The following LRRC72 variants were observed in gnomAD, a reference collection of about 807,000 sequenced individuals.
The protein encoded by LRRC72 is leucine-rich repeat-containing protein 72.
A neutral mutation model predicts 35.8 loss-of-function variants in LRRC72; 41 were observed. The ratio of observed to expected loss-of-function variants is 1.15; its 90% CI spans 0.89 to 1.49. The LOEUF is 1.49. LRRC72 is among the 40% of genes most tolerant of loss of function. The pLI is 0.00. For synonymous variants in LRRC72, 118 were observed against 119.2 expected (o/e 0.99, Z 0.07); for missense variants, 389 against 330.7 (o/e 1.18, Z -1.37).
At chr7:16,578,566 T>C (rs1363803357) in intron 7 of LRRC72, among the ~76,000 whole-genome samples, 1 of 152,160 alleles carries the variant, frequency 6.6e-6, no homozygotes, top group East Asian at 1.9e-4. Context: ...ATAACAAAAT[T>C]AGAATTTTGT....
At chr7:16,562,051 A>G (rs911650791) in intron 5 of LRRC72, among the ~76,000 whole-genome samples, 2 of 152,198 alleles carry the variant, frequency 1.3e-5, no homozygotes, top group African/African-American at 2.4e-5. Context: ...CGCACCTTCC[A>G]TTGGCATTTA....
At chr7:16,531,322 A>G (rs1334677166) in intron 1 of LRRC72, among the ~76,000 whole-genome samples, 3 of 152,152 alleles carry the variant, frequency 2.0e-5, no homozygotes, top group Non-Finnish European at 4.4e-5. Flanking sequence ...GCAATGCCTA[A>G]ACCTGAGCCT....
intron 2 of LRRC72, chr7:16,536,898 A>G (rs1289631570): frequency 6.6e-6 from 1 of 152,174 alleles, no homozygotes; most frequent in African/African-American, 2.4e-5. Flanking sequence ...ATGTATACTT[A>G]CTTGGGTTCC....
chr7:16,528,849 C>G (rs939598390), intron 1 of LRRC72, among the ~76,000 whole-genome samples: 15 of 152,054 alleles, frequency 9.9e-5, no homozygotes, highest in African/African-American at 3.4e-4. Flanking sequence ...AGGGTACCAA[C>G]AAAGCAAGAG....
chr7:16,571,101 T>C (rs565887522), intron 7 of LRRC72, among the ~76,000 whole-genome samples: 2 of 152,070 alleles, frequency 1.3e-5, no homozygotes, highest in South Asian at 2.1e-4. Context: ...GTATTTCCCA[T>C]AGAATGAAAG....
rs73308786 is a variant in LRRC72, at chr7:16,568,663, T to A, written c.670+1120T>A. ...GACAATTACCAGAATTGGCAAAGAA[T>A]TCTTAGATGCACCAGACAAAATGAA... On this transcript the variant is annotated intron_variant, in intron 7 of 8. Transcript: ENST00000401542. Among the ~76,000 whole-genome samples, 1,018 of 152,204 alleles carry A rather than the reference T, an allele frequency of 6.7e-3. 9 individuals are homozygous for A. Among genetic ancestry groups the A allele is most frequent in the African/African-American group, 0.023 (973 of 41,522 alleles).
chr7:16,526,997 G>A lies in LRRC72; in HGVS notation c.45G>A (p.Trp15Ter), dbSNP rs1562733459. The change falls in exon 1 of 9, where the codon TGG becomes TGA. Residue 15 changes from tryptophan (W) to a stop codon, truncating the protein, a stop_gained. Transcript: ENST00000401542. LOFTEE classifies it high-confidence loss of function. ...PNPVPRTLRC[W>*]RLRRASETAL... Reference sequence around the variant, plus strand: ...CCGTGCCCCGTACCTTGCGATGCTGGCGCCTACGGAGGGCATCCGAAACTG... The same window carrying A: ...CCGTGCCCCGTACCTTGCGATGCTGACGCCTACGGAGGGCATCCGAAACTG... The A allele has an allele frequency of 1.9e-6, 3 of 1,540,002 alleles. No individual in the cohort carries two copies. Among genetic ancestry groups the A allele is most frequent in the Admixed American group, 2.0e-5 (1 of 51,010 alleles).
chr7:16,539,404 G>A lies in LRRC72; in HGVS notation c.234+1708G>A, dbSNP rs114852714. Among the ~76,000 whole-genome samples, 765 of 152,330 alleles carry A rather than the reference G, an allele frequency of 5.0e-3. 8 individuals are homozygous for A. Among genetic ancestry groups the A allele is most frequent in the African/African-American group, 0.018 (734 of 41,572 alleles). On this transcript the variant is annotated intron_variant, in intron 3 of 8. Transcript: ENST00000401542. Reference sequence around the variant, plus strand: ...AGACATAACCTGGCTGATTCCGAAAGCATTCAGTCATATGCATTCACAAAG... The same window carrying A: ...AGACATAACCTGGCTGATTCCGAAAACATTCAGTCATATGCATTCACAAAG...
At chr7:16,530,290 A>T (rs2128334157) in intron 1 of LRRC72, 1 of 152,324 alleles carries the variant, frequency 6.6e-6, no homozygotes, top group Non-Finnish European at 1.5e-5. Flanking sequence ...CCTGAGAACT[A>T]GGAATGCTGA....
chr7:16,527,793 G>C (rs993919698), intron 1 of LRRC72, among the ~76,000 whole-genome samples: 2 of 152,142 alleles, frequency 1.3e-5, no homozygotes, highest in Admixed American at 1.3e-4. Flanking sequence ...GTTGCATGGA[G>C]GTATAAGAAT....
chr7:16,548,536 C>T (rs970297710), intron 3 of LRRC72, among the ~76,000 whole-genome samples: 8 of 152,234 alleles, frequency 5.3e-5, no homozygotes, highest in South Asian at 2.1e-4. Flanking sequence ...CAGTGTCAGT[C>T]GTGGAAGCTG....
chr7:16,567,149 AG>A (rs2128338246), intron 6 of LRRC72, among the ~76,000 whole-genome samples: 1 of 152,234 alleles, frequency 6.6e-6, no homozygotes, highest in African/African-American at 2.4e-5. Flanking sequence ...GATGTGTTAA[AG>A]GGTGTTTGGG....
chr7:16,577,532 T>G (rs774238970), intron 7 of LRRC72, among the ~76,000 whole-genome samples: 2 of 151,992 alleles, frequency 1.3e-5, no homozygotes, highest in African/African-American at 2.4e-5. Flanking sequence ...TTTAACTACA[T>G]GAAAATGAAA....
chr7:16,566,951 GC>G (rs201411406), intron 6 of LRRC72, among the ~76,000 whole-genome samples: 3,689 of 151,966 alleles, frequency 0.024, 89 homozygotes, highest in Non-Finnish European at 0.03. Context: ...GGCCTATTTT[GC>G]CCCCAAATGC....
intron 3 of LRRC72, among the ~76,000 whole-genome samples, chr7:16,545,749 C>T (rs1032636731): frequency 1.3e-5 from 2 of 151,914 alleles, no homozygotes; most frequent in Non-Finnish European, 2.9e-5. Flanking sequence ...CTTTAAAAAG[C>T]AAATCAATAT....
At chr7:16,540,273 G>A (rs1782334455) in intron 3 of LRRC72, among the ~76,000 whole-genome samples, 1 of 152,170 alleles carries the variant, frequency 6.6e-6, no homozygotes, top group Non-Finnish European at 1.5e-5. Flanking sequence ...TGCCCCACCT[G>A]GTTTCTGAAT....
intron 5 of LRRC72, among the ~76,000 whole-genome samples, chr7:16,561,094 A>T (rs557042263): frequency 1.3e-5 from 2 of 152,296 alleles, no homozygotes; most frequent in Admixed American, 6.5e-5. Flanking sequence ...AATATTTATA[A>T]TCTATTCATT....
intron 3 of LRRC72, among the ~76,000 whole-genome samples, chr7:16,545,640 G>T (rs1782431961): frequency 6.6e-6 from 1 of 151,826 alleles, no homozygotes; most frequent in South Asian, 2.1e-4. Context: ...CATATATTTT[G>T]GGCTCTTATG....
At chr7:16,568,354 A>G (rs1295125204) in intron 7 of LRRC72, among the ~76,000 whole-genome samples, 2 of 152,214 alleles carry the variant, frequency 1.3e-5, no homozygotes, top group Non-Finnish European at 2.9e-5. Flanking sequence ...GAGACAACAT[A>G]CATTTTTAAA....
Sources: allele counts gnomAD v4.1 joint callset (sites outside exome capture counted in the v4.1 genomes callset), GRCh38; gene constraint gnomAD v4.1.1; transcripts MANE v1.5; gene names NCBI Gene and HGNC (gene_info 2026-07-23, HGNC 2026-07-21).